The following CBR4 variants were observed in gnomAD, a reference collection of about 807,000 sequenced individuals.
CBR4 encodes the protein carbonyl reductase 4.
Under a neutral mutation model 21.0 loss-of-function variants are expected in CBR4, and 22 were observed. That is an observed-to-expected ratio of 1.05 (90% CI 0.75 to 1.50). CBR4 has a LOEUF of 1.50. Among genes scored for constraint, CBR4 ranks in the 40% most tolerant of loss-of-function variants. The probability of loss-of-function intolerance (pLI) is 0.00; values close to 1 mark genes in which losing one functional copy is unlikely to be tolerated. For synonymous variants in CBR4, 100 were observed against 104.4 expected (o/e 0.96, Z 0.26); for missense variants, 302 against 286.3 (o/e 1.05, Z -0.40).
Position 168,898,513 on chromosome 4 carries a change from T to C in CBR4, n.170-3748A>G. 1 of 1,612,402 alleles carries C rather than the reference T, an allele frequency of 6.2e-7. No individual in the cohort carries two copies. On this transcript the variant is annotated intron_variant and non_coding_transcript_variant, in intron 2 of 3. Transcript: ENST00000509108. ...TTCAGGAATACAAAGTCTCCAGCTG[T>C]GAACAGAGACTCATCAGTGAAATAG...
chr4:168,988,621 G>A lies in CBR4; in HGVS notation c.*1529C>T. 1 of 985,328 alleles carries A rather than the reference G, an allele frequency of 1.0e-6. No individual in the cohort carries two copies. The highest frequency in any genetic ancestry group is 1.2e-6 in the Non-Finnish European group (1 of 829,880). 61.0% of individuals were successfully genotyped at this position (985,328 alleles called of 1,614,324 possible). ...ATTCTGAGTGCTGCATTTCCTATAT[G>A]TGCCTAGACTTGGTAATGCCTGATA... On this transcript the variant is annotated 3_prime_UTR_variant, in exon 5 of 5. Transcript: ENST00000306193.
At chr4:169,009,673 T>G (rs1003466905) in intron 1 of CBR4, among the ~76,000 whole-genome samples, 2 of 152,222 alleles carry the variant, frequency 1.3e-5, no homozygotes, top group African/African-American at 4.8e-5. Context: ...AGGGTGCGTA[T>G]AGCGGGGCCT....
chr4:168,980,788 G>A (rs1352158393), intron 2 of CBR4, among the ~76,000 whole-genome samples: 1 of 152,144 alleles, frequency 6.6e-6, no homozygotes, highest in Non-Finnish European at 1.5e-5. Context: ...AAAACATCCA[G>A]AAATGAAGGC....
At chr4:168,943,197 G>A (rs911302549) in intron 2 of CBR4, among the ~76,000 whole-genome samples, 1 of 152,150 alleles carries the variant, frequency 6.6e-6, no homozygotes, top group Non-Finnish European at 1.5e-5. Flanking sequence ...AGGCCTGAAG[G>A]TCAAACTACA....
intron 2 of CBR4, among the ~76,000 whole-genome samples, chr4:168,959,035 C>A (rs1363698943): frequency 1.3e-5 from 2 of 151,904 alleles, no homozygotes; most frequent in Admixed American, 6.6e-5. Context: ...AGCAAAATTT[C>A]TTGATTTTTA....
chr4:168,926,567 A>G, intron 2 of CBR4: 1 of 529,008 alleles, frequency 1.9e-6, no homozygotes, highest in Non-Finnish European at 3.3e-6. Context: ...TAATGCTAAT[A>G]CAAATATACA....
intron 2 of CBR4, among the ~76,000 whole-genome samples, chr4:168,967,294 G>C (rs1385810743): frequency 1.3e-5 from 2 of 152,084 alleles, no homozygotes; most frequent in Non-Finnish European, 2.9e-5. Context: ...CTCATAGGTG[G>C]GAGTTGAACA....
chr4:169,004,152 T>C (rs1730699896), intron 3 of CBR4, among the ~76,000 whole-genome samples: 1 of 152,078 alleles, frequency 6.6e-6, no homozygotes, highest in African/African-American at 2.4e-5. Context: ...CTATTATCAG[T>C]CAGCAGCCAT....
At chr4:168,982,347 T>C (rs1032035868) in intron 2 of CBR4, among the ~76,000 whole-genome samples, 3 of 152,140 alleles carry the variant, frequency 2.0e-5, no homozygotes, top group Admixed American at 2.0e-4. Flanking sequence ...ATAAAAAGGT[T>C]CAATTCAACA....
chr4:168,918,838 T>C (rs1272510779), intron 2 of CBR4, among the ~76,000 whole-genome samples: 1 of 152,184 alleles, frequency 6.6e-6, no homozygotes, highest in Non-Finnish European at 1.5e-5. Context: ...ACTTGTAAAA[T>C]AACGTTTTGA....
intron 2 of CBR4, chr4:168,925,208 GCTCTCT>G (rs536545858): frequency 8.2e-6 from 13 of 1,583,056 alleles, no homozygotes; most frequent in South Asian, 3.3e-5. Context: ...AATTCATATT[GCTCTCT>G]CTCTCTTTCT....
At chr4:168,958,646 G>A (rs148075943) in intron 2 of CBR4, among the ~76,000 whole-genome samples, 103 of 152,246 alleles carry the variant, frequency 6.8e-4, no homozygotes, top group Middle Eastern at 3.4e-3. Context: ...TGCCAGTTTT[G>A]CAGTTTGTAA....
intron 2 of CBR4, among the ~76,000 whole-genome samples, chr4:168,938,730 G>T (rs534794446): frequency 6.6e-6 from 1 of 152,098 alleles, no homozygotes; most frequent in Non-Finnish European, 1.5e-5. Context: ...TAAATTCCTG[G>T]ACACATAAAC....
chr4:168,915,873 C>T, intron 2 of CBR4: 2 of 1,599,914 alleles, frequency 1.3e-6, no homozygotes, highest in Non-Finnish European at 8.6e-7. Context: ...TTCTATCTAT[C>T]TGTCATCTTT....
At chr4:169,007,520 G>GT in intron 2 of CBR4, 116 bp downstream of exon 2, 2 of 540,954 alleles carry the variant, frequency 3.7e-6, no homozygotes, top group Non-Finnish European at 5.7e-6. Flanking sequence ...TTTTAAAATA[G>GT]TTTTTTCTCC....
chr4:168,918,635 A>G (rs747336579), intron 2 of CBR4, among the ~76,000 whole-genome samples: 9 of 152,182 alleles, frequency 5.9e-5, no homozygotes, highest in Non-Finnish European at 1.2e-4. Context: ...TATAGTTAAT[A>G]ACGATGTACT....
chr4:168,960,584 C>T (rs143793069), intron 2 of CBR4, among the ~76,000 whole-genome samples: 2 of 152,242 alleles, frequency 1.3e-5, no homozygotes, highest in East Asian at 3.9e-4. Flanking sequence ...TTGAGTCTTC[C>T]AACCCAAGAA....
rs986348482 is a variant in CBR4, at chr4:168,913,439, C to T, written n.170-18674G>A. ...GGCATGAGCCATCGTGCCCGGCCAG[C>T]CACTAACATTTAATTAGTATATTAC... On this transcript the variant is annotated intron_variant and non_coding_transcript_variant, in intron 2 of 3. Transcript: ENST00000509108. Among the ~76,000 whole-genome samples, 74 of 152,022 alleles carry T rather than the reference C, an allele frequency of 4.9e-4. 1 individual carries two copies. The highest frequency in any genetic ancestry group is 4.0e-3 in the Admixed American group (61 of 15,260).
At chr4:168,909,919 C>T (rs1249595761) in intron 2 of CBR4, among the ~76,000 whole-genome samples, 2 of 152,110 alleles carry the variant, frequency 1.3e-5, no homozygotes, top group Non-Finnish European at 2.9e-5. Context: ...AGTTTGGATG[C>T]TCTCTAAATG....
Sources: allele counts gnomAD v4.1 joint callset (sites outside exome capture counted in the v4.1 genomes callset), GRCh38; gene constraint gnomAD v4.1.1; transcripts MANE v1.5; gene names NCBI Gene and HGNC (gene_info 2026-07-23, HGNC 2026-07-21).